The following MUTYH variants were observed in gnomAD, a reference collection of about 807,000 sequenced individuals.
MUTYH encodes the protein mutY DNA glycosylase, also known as adenine DNA glycosylase.
In MUTYH, 64 loss-of-function variants were observed where a neutral mutation model predicts 72.9. The observed-to-expected ratio is 0.88, with a 90% CI of 0.72 to 1.08. The LOEUF (loss-of-function observed/expected upper bound fraction) is 1.08, where lower values mean the gene tolerates loss of function less well. MUTYH is among the 50% of genes least tolerant of loss of function. The pLI is 0.00. For missense variants in MUTYH, 633 were observed against 671.0 expected (o/e 0.94, Z 0.63); for synonymous variants, 234 against 263.1 (o/e 0.89, Z 1.07).
rs761747601 is a variant in MUTYH, at chr1:45,333,345, G to A, written c.265-21C>T. The A allele has an allele frequency of 1.9e-6, 3 of 1,614,082 alleles. No homozygotes were observed. In the African/African-American group the frequency reaches 4.0e-5, roughly 22 times the overall value. On this transcript the variant is annotated intron_variant, in intron 3 of 15. Coordinates refer to ENST00000456914, the MANE Select transcript of MUTYH (RefSeq NM_001048174.2). ...TCTGCCTGTCAATGCAACCCCAGAT[G>A]AGGAGTTAGGGTGGAGGGGGCTGGG... is the stretch of plus-strand genomic sequence containing the variant.
chr1:45,329,265 C>G lies in MUTYH; in HGVS notation c.*41G>C. Reference sequence around the variant, plus strand: ...AATAACTACAAAAATAAGCACTTTACTAACAACAGGATTCTCAGGGAATGG... The same window carrying G: ...AATAACTACAAAAATAAGCACTTTAGTAACAACAGGATTCTCAGGGAATGG... On this transcript the variant is annotated 3_prime_UTR_variant, in exon 16 of 16. Coordinates refer to ENST00000456914, the MANE Select transcript of MUTYH (RefSeq NM_001048174.2). 1 of 1,613,598 alleles carries G rather than the reference C, an allele frequency of 6.2e-7. No individual in the cohort carries two copies. The highest frequency in any genetic ancestry group is 8.5e-7 in the Non-Finnish European group (1 of 1,179,580).
intron 1 of MUTYH, chr1:45,338,774 A>G: frequency 6.7e-6 from 1 of 148,712 alleles, no homozygotes; most frequent in Non-Finnish European, 1.4e-5. Context: ...TTTTGTTTTT[A>G]GAGACAGTGT....
chr1:45,335,585 G>A (rs3219481), intron 1 of MUTYH, among the ~76,000 whole-genome samples: 8 of 152,052 alleles, frequency 5.3e-5, no homozygotes, highest in African/African-American at 7.2e-5. Context: ...GGCCAGGCAC[G>A]GTGGCTCATG....
intron 1 of MUTYH, among the ~76,000 whole-genome samples, chr1:45,336,510 C>A (rs1285390304): frequency 6.6e-6 from 1 of 152,206 alleles, no homozygotes. Flanking sequence ...CCCACGCTAA[C>A]TGATCAATGT....
intron 1 of MUTYH, among the ~76,000 whole-genome samples, chr1:45,337,251 C>T (rs1222555446): frequency 6.6e-6 from 1 of 151,352 alleles, no homozygotes; most frequent in African/African-American, 2.4e-5. Flanking sequence ...TCAAGCAATC[C>T]TCCCACCCCA....
intron 1 of MUTYH, among the ~76,000 whole-genome samples, chr1:45,337,432 C>G (rs1646060317): frequency 6.6e-6 from 1 of 152,170 alleles, no homozygotes; most frequent in Non-Finnish European, 1.5e-5. Context: ...TGCTGGGATA[C>G]AGGCATGAGC....
intron 1 of MUTYH, among the ~76,000 whole-genome samples, chr1:45,339,163 T>C (rs1220781064): frequency 6.6e-6 from 1 of 150,606 alleles, no homozygotes; most frequent in Non-Finnish European, 1.5e-5. Context: ...CAGAGGTGGA[T>C]GGGAATCGTA....
intron 1 of MUTYH, 24 bp from the exon 2 acceptor site, chr1:45,334,535 A>G: frequency 6.2e-7 from 1 of 1,613,886 alleles, no homozygotes; most frequent in Non-Finnish European, 8.5e-7. Context: ...ACCCAGCCAA[A>G]GCAGTCAGTC....
chr1:45,334,515 AAAC>A lies in MUTYH; in HGVS notation c.-6-7_-6-5del. 6.2e-7 allele frequency: 1 copy of A among 1,614,028 alleles called. No homozygotes were observed. Among genetic ancestry groups the A allele is most frequent in the Non-Finnish European group, 8.5e-7 (1 of 1,179,946 alleles). ...CTCGTGGCTTCCTCATGATGGCCTG[AAAC>A]AAAAAGACCCAGCCAAAGCAGTCAG... On this transcript the variant is annotated splice_region_variant and splice_polypyrimidine_tract_variant and intron_variant, in intron 1 of 15. Transcript: ENST00000456914.
intron 4 of MUTYH, 50 bp downstream of exon 4, chr1:45,333,235 A>C (rs1450010762): frequency 6.2e-7 from 1 of 1,613,866 alleles, no homozygotes; most frequent in African/African-American, 1.3e-5. Flanking sequence ...CAGCCCCCAG[A>C]CCCAAGGGCC....
chr1:45,331,433 C>A lies in MUTYH; in HGVS notation c.1226G>T (p.Arg409Leu), dbSNP rs587782120. 6.2e-7 allele frequency: 1 copy of A among 1,614,200 alleles called. No homozygotes were observed. The highest frequency in any genetic ancestry group is 2.2e-5 in the East Asian group (1 of 44,884). The change falls in exon 13 of 16, where the codon CGG becomes CTG. Residue 409 changes from arginine (R) to leucine (L), a missense_variant. Arg to Leu is a moderately radical substitution (Grantham distance 102, BLOSUM62 -2). Coordinates refer to ENST00000456914, the MANE Select transcript of MUTYH (RefSeq NM_001048174.2). ...WAGPLPATHL[R>L]HLGEVVHTFS... ...CTGCTCACTTACCTCCCCAAGGTGC[C>A]GGAGGTGCGTGGCTGGGAGGGGCCC...
upstream of MUTYH, chr1:45,340,143 C>T: frequency 6.3e-7 from 1 of 1,582,498 alleles, no homozygotes; most frequent in Non-Finnish European, 8.6e-7. Context: ...GACCCATCGG[C>T]GACCCGACGG....
chr1:45,331,193 C>A lies in MUTYH; in HGVS notation c.1381G>T (p.Ala461Ser), dbSNP rs587782263. 1 of 1,614,156 alleles carries A rather than the reference C, an allele frequency of 6.2e-7. No homozygotes were observed. Among genetic ancestry groups the A allele is most frequent in the Non-Finnish European group, 8.5e-7 (1 of 1,180,030 alleles). The change falls in exon 14 of 16, where the codon GCC becomes TCC. Residue 461 changes from alanine to serine, a missense_variant. Coordinates refer to ENST00000456914, the MANE Select transcript of MUTYH (RefSeq NM_001048174.2). Reference protein sequence around the residue: ...EEFHTAAVSTAMKKVFRVYQG... With the variant: ...EEFHTAAVSTSMKKVFRVYQG... Reference sequence around the variant, plus strand: ...AACAAAGGTAGTGCCTTTTTCATGGCGGTGGAAACAGCTGCGGTGTGAAAT... The same window carrying A: ...AACAAAGGTAGTGCCTTTTTCATGGAGGTGGAAACAGCTGCGGTGTGAAAT...
intron 6 of MUTYH, 36 bp downstream of exon 6, chr1:45,332,882 T>C: frequency 6.2e-7 from 1 of 1,613,962 alleles, no homozygotes; most frequent in East Asian, 2.2e-5. Flanking sequence ...AGTCCCTCTA[T>C]TGTTCCTATT....
intron 14 of MUTYH, among the ~76,000 whole-genome samples, chr1:45,330,901 A>G (rs1365234938): frequency 6.6e-6 from 1 of 151,960 alleles, no homozygotes; most frequent in Non-Finnish European, 1.5e-5. Flanking sequence ...CCTGGCCAGC[A>G]TGGTGAAACC....
rs372673338 is a variant in MUTYH at position 45,331,809 on chromosome 1, C to T, written c.954G>A (p.Ser318=). ...TGQCHLCLPP[S]EPWDQTLGVV... ...CTCCCAGGGTCTGGTCCCAGGGCTC[C>T]GAGGGAGGCAGGCACAGGTGGCACT... Residue 318 remains serine, a synonymous_variant, in exon 12 of 16, where the codon TCG becomes TCA. Coordinates refer to ENST00000456914, the MANE Select transcript of MUTYH (RefSeq NM_001048174.2). The T allele has an allele frequency of 6.5e-5, 104 of 1,609,988 alleles. 1 individual carries two copies. The Middle Eastern group carries it at 1.2e-3, about 18-fold the overall frequency.
At chr1:45,339,777 A>G in intron 1 of MUTYH, 122 bp downstream of exon 1, 1 of 1,177,806 alleles carries the variant, frequency 8.5e-7, no homozygotes, top group Non-Finnish European at 1.1e-6. Flanking sequence ...CGATGCCCAG[A>G]ACGCCCTTCT....
intron 1 of MUTYH, among the ~76,000 whole-genome samples, chr1:45,339,332 C>T (rs1347970766): frequency 6.6e-6 from 1 of 151,604 alleles, no homozygotes; most frequent in Non-Finnish European, 1.5e-5. Flanking sequence ...CCTGCCTCAG[C>T]CTCCCAAGTA....
chr1:45,332,436 G>A lies in MUTYH; in HGVS notation c.659C>T (p.Ala220Val), dbSNP rs2149144083. Residue 220 changes from alanine (A) to valine (V), a missense_variant, in exon 9 of 16, where the codon GCC becomes GTC. Ala to Val is a moderately conservative substitution (Grantham distance 64, BLOSUM62 0). Coordinates refer to ENST00000456914, the MANE Select transcript of MUTYH (RefSeq NM_001048174.2). The part of the protein sequence containing the change: ...NVARVLCRVR[A>V]IGADPSSTLV... ...GGTGCTGCTGGGATCAGCACCAATG[G>A]CTCGGACACGGCACAGCACCCGTGC... 1 of 1,614,144 alleles carries A rather than the reference G, an allele frequency of 6.2e-7. No homozygotes were observed. The highest frequency in any genetic ancestry group is 8.5e-7 in the Non-Finnish European group (1 of 1,180,002).
Sources: allele counts gnomAD v4.1 joint callset (sites outside exome capture counted in the v4.1 genomes callset), GRCh38; gene constraint gnomAD v4.1.1; transcripts MANE v1.5; gene names NCBI Gene and HGNC (gene_info 2026-07-23, HGNC 2026-07-21).